Variants in PARD3 observed in about 807,000 individuals in gnomAD.
PARD3 encodes partitioning defective 3 homolog.
Under a neutral mutation model 155.4 loss-of-function variants are expected in PARD3, and 75 were observed. The observed-to-expected ratio is 0.48, with a 90% CI of 0.40 to 0.58. PARD3 has a LOEUF of 0.58. PARD3 is among the 20% of genes least tolerant of loss of function. The probability of loss-of-function intolerance (pLI) is 0.00; values close to 1 mark genes in which losing one functional copy is unlikely to be tolerated. For synonymous variants in PARD3, 576 were observed against 610.5 expected, an observed-to-expected ratio of 0.94 and a Z score of 0.83; for missense variants, 1,642 against 1,721.7, an observed-to-expected ratio of 0.95 and a Z score of 0.82.
At chr10:34,304,971 A>G (rs1375180817) in intron 20 of PARD3, among the ~76,000 whole-genome samples, 1 of 152,204 alleles carries the variant, frequency 6.6e-6, no homozygotes, top group African/African-American at 2.4e-5. Context: ...ATTAGCCAGG[A>G]GAGTGGAAAT....
chr10:34,770,107 T>C (rs1838675916), intron 1 of PARD3, among the ~76,000 whole-genome samples: 1 of 152,154 alleles, frequency 6.6e-6, no homozygotes. Context: ...TTCCTAGCCT[T>C]ATCTTCTGCC....
chr10:34,721,329 GAA>G (rs1293327247), intron 1 of PARD3, among the ~76,000 whole-genome samples: 2 of 152,204 alleles, frequency 1.3e-5, no homozygotes. Context: ...TCCTGTCTTT[GAA>G]AAGAGTTGTG....
intron 2 of PARD3, among the ~76,000 whole-genome samples, chr10:34,668,678 A>C (rs527557950): frequency 6.6e-6 from 1 of 152,338 alleles, no homozygotes; most frequent in Non-Finnish European, 1.5e-5. Context: ...GATAAGCAAA[A>C]GAAGAAAAAC....
intron 2 of PARD3, among the ~76,000 whole-genome samples, chr10:34,519,800 C>A (rs913638250): frequency 6.7e-6 from 1 of 149,416 alleles, no homozygotes; most frequent in Non-Finnish European, 1.5e-5. Context: ...GGAAACAGAG[C>A]GAGACTCCAT....
chr10:34,418,748 C>G (rs906500110), intron 5 of PARD3, among the ~76,000 whole-genome samples: 1 of 152,032 alleles, frequency 6.6e-6, no homozygotes, highest in Admixed American at 6.6e-5. Flanking sequence ...GTAACTCCAA[C>G]CTTGTCCCCT....
intron 2 of PARD3, among the ~76,000 whole-genome samples, chr10:34,654,330 A>G (rs192720066): frequency 2.6e-5 from 4 of 152,328 alleles, no homozygotes; most frequent in Non-Finnish European, 5.9e-5. Flanking sequence ...ATCCCATGCA[A>G]TCGGTACAAT....
chr10:34,649,810 AACAC>A (rs1196952968), intron 2 of PARD3, among the ~76,000 whole-genome samples: 2 of 152,188 alleles, frequency 1.3e-5, no homozygotes, highest in Non-Finnish European at 2.9e-5. Flanking sequence ...ACTTGGCTTA[AACAC>A]ACACACATTG....
chr10:34,639,744 T>C (rs2490813), intron 2 of PARD3, among the ~76,000 whole-genome samples: 159 of 152,226 alleles, frequency 1.0e-3, no homozygotes, highest in Non-Finnish European at 1.9e-3. Context: ...CTTGTACCTG[T>C]AGTCCCAGCT....
intron 2 of PARD3, among the ~76,000 whole-genome samples, chr10:34,554,689 C>T (rs551622083): frequency 1.3e-5 from 2 of 152,232 alleles, no homozygotes; most frequent in African/African-American, 2.4e-5. Context: ...ACTCAGCGGC[C>T]TTTCGTTAGG....
At chr10:34,751,520 A>T (rs1304613458) in intron 1 of PARD3, among the ~76,000 whole-genome samples, 1 of 152,104 alleles carries the variant, frequency 6.6e-6, no homozygotes, top group Admixed American at 6.5e-5. Context: ...CTTCAGAGTC[A>T]CCCTTTCCCC....
chr10:34,301,139 G>T (rs891979889), intron 20 of PARD3, among the ~76,000 whole-genome samples: 13 of 152,142 alleles, frequency 8.5e-5, no homozygotes, highest in Admixed American at 6.5e-4. Context: ...TTAAAACAGG[G>T]ATATGCGATG....
At chr10:34,318,835 G>A (rs956475337) in intron 19 of PARD3, among the ~76,000 whole-genome samples, 2 of 151,874 alleles carry the variant, frequency 1.3e-5, no homozygotes, top group African/African-American at 4.8e-5. Context: ...GTGTGATCTC[G>A]ACTCACTGCA....
chr10:34,635,028 G>C (rs2092417771), intron 2 of PARD3, among the ~76,000 whole-genome samples: 1 of 152,230 alleles, frequency 6.6e-6, no homozygotes, highest in African/African-American at 2.4e-5. Context: ...GTGTTTCAGA[G>C]CACACCCAGA....
chr10:34,457,046 A>C (rs1049307011), intron 4 of PARD3, among the ~76,000 whole-genome samples: 1 of 152,238 alleles, frequency 6.6e-6, no homozygotes, highest in African/African-American at 2.4e-5. Context: ...CTTCAAGTTG[A>C]TACACTGACA....
chr10:34,111,038 T>C lies in PARD3; in HGVS notation c.*131A>G. ...CCTTCCATTTCTTTGCCTACACCGC[T>C]TAAAGGCACTGATACCAACAACAGA... On this transcript the variant is annotated 3_prime_UTR_variant, in exon 25 of 25. Transcript: ENST00000374788. The C allele has an allele frequency of 1.0e-6, 1 of 999,132 alleles. No homozygotes were observed. 61.9% of individuals were successfully genotyped at this position (999,132 alleles called of 1,614,324 possible). A position where few individuals can be genotyped will look rare whatever the true frequency, so the allele number is the denominator to read the frequency against.
At chr10:34,520,075 A>G (rs546875141) in intron 2 of PARD3, among the ~76,000 whole-genome samples, 2 of 152,258 alleles carry the variant, frequency 1.3e-5, no homozygotes, top group African/African-American at 4.8e-5. Context: ...CACTTGTCTC[A>G]GGTCAAAAAC....
At chr10:34,359,758 G>C (rs1479862250) in intron 13 of PARD3, among the ~76,000 whole-genome samples, 1 of 152,146 alleles carries the variant, frequency 6.6e-6, no homozygotes, top group Non-Finnish European at 1.5e-5. Context: ...ACAGGGGAGG[G>C]GAGGGGAAAG....
intron 22 of PARD3, among the ~76,000 whole-genome samples, chr10:34,247,998 C>A (rs1345748662): frequency 6.6e-6 from 1 of 152,130 alleles, no homozygotes; most frequent in Non-Finnish European, 1.5e-5. Context: ...TTTTAGGCAT[C>A]CCCAACCACA....
intron 3 of PARD3, among the ~76,000 whole-genome samples, chr10:34,489,720 T>C (rs1290232572): frequency 6.6e-6 from 1 of 152,254 alleles, no homozygotes; most frequent in Non-Finnish European, 1.5e-5. Context: ...AAAGTAAACA[T>C]GCCTTGATCA....
Sources: allele counts gnomAD v4.1 joint callset (sites outside exome capture counted in the v4.1 genomes callset), GRCh38; gene constraint gnomAD v4.1.1; transcripts MANE v1.5; gene names NCBI Gene and HGNC (gene_info 2026-07-23, HGNC 2026-07-21).